OCA2: variants seen among roughly 807,000 people sequenced by gnomAD.
The protein encoded by OCA2 is P protein.
Under a neutral mutation model 100.2 loss-of-function variants are expected in OCA2, and 77 were observed. That is an observed-to-expected ratio of 0.77 (90% CI 0.64 to 0.93). The LOEUF (loss-of-function observed/expected upper bound fraction) is 0.93. Ranked by LOEUF, OCA2 falls within the 40% of genes least tolerant of loss-of-function variation. The pLI, the probability that OCA2 is intolerant of heterozygous loss-of-function variation, is 0.00. For synonymous variants in OCA2, 432 were observed against 439.2 expected (o/e 0.98, Z 0.21); for missense variants, 1,062 against 1,089.1 (o/e 0.98, Z 0.35).
At chr15:27,948,788 C>G (rs924584137) in intron 18 of OCA2, among the ~76,000 whole-genome samples, 8 of 152,208 alleles carry the variant, frequency 5.3e-5, no homozygotes, top group African/African-American at 1.9e-4. Context: ...TTGATGCACA[C>G]AGCAACTTGG....
chr15:27,986,853 C>T (rs542752807), intron 11 of OCA2, among the ~76,000 whole-genome samples: 1 of 152,298 alleles, frequency 6.6e-6, no homozygotes, highest in East Asian at 1.9e-4. Context: ...CAGTTTTGTG[C>T]CTATATGTGT....
intron 2 of OCA2, among the ~76,000 whole-genome samples, chr15:28,046,196 A>G (rs41317338): frequency 6.6e-6 from 1 of 152,314 alleles, no homozygotes; most frequent in East Asian, 1.9e-4. Flanking sequence ...CTTGGAAGCT[A>G]TTCTACCAGT....
chr15:27,730,834 C>T, the OCA2 span, among the ~76,000 whole-genome samples: 1 of 145,936 alleles, frequency 6.9e-6, no homozygotes, highest in Non-Finnish European at 1.5e-5. Context: ...ATGGGCAACA[C>T]CAAAAACAAT....
At chr15:27,908,684 G>T (rs2038271754) in intron 19 of OCA2, among the ~76,000 whole-genome samples, 1 of 152,260 alleles carries the variant, frequency 6.6e-6, no homozygotes, top group Middle Eastern at 3.4e-3. Context: ...CTCCCATGGT[G>T]GGGGCTCACA....
chr15:27,884,756 TG>T (rs1329376544), intron 19 of OCA2, among the ~76,000 whole-genome samples: 1 of 152,200 alleles, frequency 6.6e-6, no homozygotes. Context: ...AAATTTATTT[TG>T]GGGGGATTTT....
At chr15:27,724,420 G>A in the OCA2 span, among the ~76,000 whole-genome samples, 63,571 of 151,912 alleles carry the variant, frequency 0.42, 14,313 homozygotes, top group Non-Finnish European at 0.5. Context: ...TTGGTATAAG[G>A]ACCCAGTCCT....
chr15:28,055,990 G>C (rs2043680928), intron 2 of OCA2, among the ~76,000 whole-genome samples: 1 of 152,098 alleles, frequency 6.6e-6, no homozygotes, highest in African/African-American at 2.4e-5. Flanking sequence ...AGAGAGAAAG[G>C]AGAGACACAA....
chr15:27,867,645 C>G (rs533966411), intron 21 of OCA2, among the ~76,000 whole-genome samples: 23 of 151,962 alleles, frequency 1.5e-4, no homozygotes, highest in Admixed American at 1.4e-3. Flanking sequence ...AATGCAAAAA[C>G]GTGCTGAAGT....
At chr15:28,094,019 C>T (rs2044920547) in intron 1 of OCA2, among the ~76,000 whole-genome samples, 1 of 152,164 alleles carries the variant, frequency 6.6e-6, no homozygotes, top group South Asian at 2.1e-4. Flanking sequence ...CTTTCTCACA[C>T]ATTCCTCATC....
At chr15:28,092,997 A>C (rs1477141964) in intron 1 of OCA2, among the ~76,000 whole-genome samples, 1 of 149,084 alleles carries the variant, frequency 6.7e-6, no homozygotes, top group African/African-American at 2.5e-5. Context: ...AAAAGTAAAC[A>C]AAAAAAAAAG....
In OCA2 at chr15:27,851,407, G is replaced by C; in HGVS notation, c.2313C>G (p.Ala771=). Residue 771 remains alanine (A), a synonymous_variant, in exon 22 of 24, where the codon GCC becomes GCG. Coordinates refer to ENST00000354638, the MANE Select transcript of OCA2 (RefSeq NM_000275.3). ...VGLPAPPLMY[A]LAFGACLGGN... is the part of the protein sequence containing the mutation. ...CTCCCAGGCAAGCACCGAAGGCCAG[G>C]GCATACATGAGCGGCGGTGCGGGCA... 6.2e-6 allele frequency: 10 copies of C among 1,614,022 alleles called. No homozygotes were observed. Among genetic ancestry groups the C allele is most frequent in the Non-Finnish European group, 8.5e-6 (10 of 1,180,006 alleles).
chr15:27,735,353 A>G, the OCA2 span, among the ~76,000 whole-genome samples: 1 of 152,200 alleles, frequency 6.6e-6, no homozygotes, highest in Admixed American at 6.5e-5. Context: ...GACATGAAGA[A>G]AGCTTACAAA....
chr15:27,782,106 C>T (rs994067107), intron 23 of OCA2, among the ~76,000 whole-genome samples: 2 of 152,250 alleles, frequency 1.3e-5, no homozygotes, highest in Admixed American at 1.3e-4. Context: ...TCCTTTTTTG[C>T]TCTCTGAATA....
Position 28,045,442 on chromosome 15 carries a change from G to T in OCA2, c.228-13279C>A, listed in dbSNP as rs530821316. Among the ~76,000 whole-genome samples the T allele has an allele frequency of 1.8e-4, 28 of 152,252 alleles. 1 individual carries two copies. In the South Asian group the frequency reaches 5.8e-3, roughly 32 times the overall value. On this transcript the variant is annotated intron_variant, in intron 2 of 23. Coordinates refer to ENST00000354638, the MANE Select transcript of OCA2 (RefSeq NM_000275.3). ...CACATTTTTACATGTGATATGAGACGCACACTTCATTTTGATTATTTTTAT... is the reference window on the plus strand; with the variant it reads ...CACATTTTTACATGTGATATGAGACTCACACTTCATTTTGATTATTTTTAT...
the OCA2 span, among the ~76,000 whole-genome samples, chr15:27,739,432 ATTTC>A: frequency 7.4e-6 from 1 of 135,098 alleles, no homozygotes; most frequent in African/African-American, 2.7e-5. Context: ...AATATTAATA[ATTTC>A]TTTCTTTTTT....
intron 23 of OCA2, among the ~76,000 whole-genome samples, chr15:27,768,794 C>A (rs2151022641): frequency 6.6e-6 from 1 of 152,294 alleles, no homozygotes; most frequent in Admixed American, 6.5e-5. Flanking sequence ...TGGCACACGC[C>A]CGAGTTTCTG....
At chr15:27,874,178 C>G (rs2036694797) in intron 19 of OCA2, among the ~76,000 whole-genome samples, 1 of 152,190 alleles carries the variant, frequency 6.6e-6, no homozygotes, top group South Asian at 2.1e-4. Context: ...TACTTTTTAA[C>G]ACATTCTAGA....
At chr15:28,008,598 A>G (rs1317116499) in intron 9 of OCA2, among the ~76,000 whole-genome samples, 1 of 152,250 alleles carries the variant, frequency 6.6e-6, no homozygotes. Flanking sequence ...ACGTCAGGTT[A>G]TAAATGACCC....
intron 23 of OCA2, among the ~76,000 whole-genome samples, chr15:27,797,335 G>A (rs1237917662): frequency 6.6e-6 from 1 of 152,182 alleles, no homozygotes; most frequent in Non-Finnish European, 1.5e-5. Flanking sequence ...TGGAGGCAAA[G>A]GGGGCTGATT....
Sources: gnomAD v4.1 joint callset for allele counts (sites outside exome capture counted in the v4.1 genomes callset) on GRCh38, gnomAD v4.1.1 for gene constraint, MANE v1.5 for transcripts, NCBI Gene and HGNC (gene_info 2026-07-23, HGNC 2026-07-21) for gene names.